The following ADAM22 variants were observed in gnomAD, a reference collection of about 807,000 sequenced individuals.
ADAM22 encodes disintegrin and metalloproteinase domain-containing protein 22.
ADAM22 carries 65 observed loss-of-function variants against 144.6 expected under a neutral mutation model. The observed-to-expected ratio is 0.45, with a 90% confidence interval of 0.37 to 0.55. The LOEUF (loss-of-function observed/expected upper bound fraction) is 0.55. Among genes scored for constraint, ADAM22 ranks in the 20% least tolerant of loss-of-function variants. ADAM22 has a pLI of 0.00. For synonymous variants in ADAM22, 391 were observed against 412.6 expected (o/e 0.95, Z 0.63); for missense variants, 974 against 1,184.9 (o/e 0.82, Z 2.61).
intron 18 of ADAM22, among the ~76,000 whole-genome samples, chr7:88,149,755 A>G (rs1280595651): frequency 6.6e-6 from 1 of 152,214 alleles, no homozygotes; most frequent in African/African-American, 2.4e-5. Context: ...TGTTGGTTTT[A>G]AATGGATAGG....
chr7:88,010,778 T>A (rs961629968), intron 3 of ADAM22, among the ~76,000 whole-genome samples: 1 of 152,184 alleles, frequency 6.6e-6, no homozygotes, highest in African/African-American at 2.4e-5. Flanking sequence ...TTTTGGTAAG[T>A]CAAAACCATA....
At chr7:88,008,492 A>G (rs1269664981) in intron 3 of ADAM22, among the ~76,000 whole-genome samples, 6 of 152,212 alleles carry the variant, frequency 3.9e-5, no homozygotes. Flanking sequence ...AAAGACTTGG[A>G]ACCAAGGCAA....
At chr7:87,986,479 G>C (rs1788520070) in intron 3 of ADAM22, among the ~76,000 whole-genome samples, 1 of 152,148 alleles carries the variant, frequency 6.6e-6, no homozygotes, top group Non-Finnish European at 1.5e-5. Context: ...CTAAGACCTA[G>C]GAAATTGTTT....
intron 31 of ADAM22, among the ~76,000 whole-genome samples, chr7:88,194,991 A>C (rs1850375005): frequency 6.6e-6 from 1 of 152,250 alleles, no homozygotes; most frequent in Non-Finnish European, 1.5e-5. Flanking sequence ...AGACATGGGC[A>C]TTCAGAACAA....
chr7:88,056,877 G>A (rs1245764183), intron 3 of ADAM22, among the ~76,000 whole-genome samples: 4 of 152,180 alleles, frequency 2.6e-5, no homozygotes, highest in South Asian at 2.1e-4. Context: ...AGGTCATCGT[G>A]TCAAGGTCTT....
chr7:88,130,162 T>G (rs2129497475), intron 9 of ADAM22, among the ~76,000 whole-genome samples: 1 of 152,234 alleles, frequency 6.6e-6, no homozygotes, highest in South Asian at 2.1e-4. Context: ...ATGAATAAAT[T>G]GAGGCTTCAA....
At chr7:88,151,708 CCTTAA>C (rs1838450933) in intron 20 of ADAM22, among the ~76,000 whole-genome samples, 1 of 152,164 alleles carries the variant, frequency 6.6e-6, no homozygotes, top group African/African-American at 2.4e-5. Flanking sequence ...GACAGGACGT[CCTTAA>C]CTTAGAACAG....
chr7:88,003,402 G>A (rs1330659912), intron 3 of ADAM22, among the ~76,000 whole-genome samples: 1 of 152,188 alleles, frequency 6.6e-6, no homozygotes, highest in Admixed American at 6.5e-5. Flanking sequence ...GCTTTAACTG[G>A]GAATCAAGAG....
chr7:88,135,901 T>A, intron 13 of ADAM22, 79 bp from the exon 14 acceptor site: 1 of 1,236,854 alleles, frequency 8.1e-7, no homozygotes, highest in East Asian at 2.6e-5. Flanking sequence ...AAAGTGGAGA[T>A]AATTATTTTA....
intron 3 of ADAM22, among the ~76,000 whole-genome samples, chr7:88,023,621 T>C (rs1446322850): frequency 6.6e-6 from 1 of 152,084 alleles, no homozygotes; most frequent in African/African-American, 2.4e-5. Flanking sequence ...GGTTTTGCCA[T>C]GCGGATCAGG....
At chr7:87,973,224 C>T (rs887480684) in intron 2 of ADAM22, among the ~76,000 whole-genome samples, 18 of 152,086 alleles carry the variant, frequency 1.2e-4, no homozygotes, top group East Asian at 5.8e-4. Flanking sequence ...GAATCTACAA[C>T]GAACTCAAAC....
At chr7:88,007,908 TTAAAC>T (rs1290160633) in intron 3 of ADAM22, among the ~76,000 whole-genome samples, 2 of 152,114 alleles carry the variant, frequency 1.3e-5, no homozygotes, top group African/African-American at 4.8e-5. Flanking sequence ...TGGGATCTAA[TTAAAC>T]TAAAGAGCTT....
At chr7:87,945,588 C>T (rs1350117803) in intron 2 of ADAM22, among the ~76,000 whole-genome samples, 1 of 151,170 alleles carries the variant, frequency 6.6e-6, no homozygotes, top group Non-Finnish European at 1.5e-5. Flanking sequence ...TCTCAGCTCA[C>T]TGCAACCTCC....
At chr7:88,067,760 C>G (rs1811664748) in intron 3 of ADAM22, among the ~76,000 whole-genome samples, 1 of 152,052 alleles carries the variant, frequency 6.6e-6, no homozygotes, top group Admixed American at 6.6e-5. Flanking sequence ...GTGCCCTAGT[C>G]CTAGCATACA....
intron 22 of ADAM22, among the ~76,000 whole-genome samples, chr7:88,162,231 G>A (rs903569448): frequency 2.0e-5 from 3 of 151,742 alleles, no homozygotes; most frequent in Non-Finnish European, 4.4e-5. Context: ...ACTAACACAG[G>A]AACAGAAAAC....
chr7:88,109,530 C>T (rs986693814), intron 5 of ADAM22, among the ~76,000 whole-genome samples: 2 of 151,952 alleles, frequency 1.3e-5, no homozygotes, highest in Admixed American at 6.6e-5. Flanking sequence ...TAAAATAATT[C>T]CTTTTTGTTA....
At chr7:88,060,169 G>C (rs745803668) in intron 3 of ADAM22, among the ~76,000 whole-genome samples, 1 of 152,162 alleles carries the variant, frequency 6.6e-6, no homozygotes, top group Non-Finnish European at 1.5e-5. Flanking sequence ...CCACTCGGGG[G>C]TCTTGCCTCA....
intron 2 of ADAM22, among the ~76,000 whole-genome samples, chr7:87,963,355 T>G (rs1044299793): frequency 6.6e-6 from 1 of 152,158 alleles, no homozygotes; most frequent in African/African-American, 2.4e-5. Context: ...GAATAAGTTC[T>G]CCTAGGGTAT....
At chr7:87,938,293 A>T (rs1841747032) in intron 2 of ADAM22, among the ~76,000 whole-genome samples, 1 of 120,918 alleles carries the variant, frequency 8.3e-6, no homozygotes, top group Admixed American at 1.2e-4. Flanking sequence ...ATCTCAGCTT[A>T]TTGCAACCTC....
Sources: gnomAD v4.1 joint callset for allele counts (sites outside exome capture counted in the v4.1 genomes callset) on GRCh38, gnomAD v4.1.1 for gene constraint, MANE v1.5 for transcripts, NCBI Gene and HGNC (gene_info 2026-07-23, HGNC 2026-07-21) for gene names.